The following C10orf143 variants were observed in gnomAD, a reference collection of about 807,000 sequenced individuals.
C10orf143 encodes chromosome 10 open reading frame 143, also known as uncharacterized protein C10orf143.
chr10:130,106,829 A>C (rs1299521351), intron 1 of C10orf143: 1 of 1,181,250 alleles, frequency 8.5e-7, no homozygotes, highest in Non-Finnish European at 1.3e-6. Context: ...TGATAAAGAA[A>C]ATCACATCAA....
At chr10:130,075,604 C>T (rs909458827) in intron 3 of C10orf143, among the ~76,000 whole-genome samples, 1 of 152,202 alleles carries the variant, frequency 6.6e-6, no homozygotes, top group Non-Finnish European at 1.5e-5. Context: ...AACGGGGGAG[C>T]TGATATGGTT....
At chr10:130,103,342 T>C (rs1019990548) in intron 1 of C10orf143, among the ~76,000 whole-genome samples, 1 of 152,104 alleles carries the variant, frequency 6.6e-6, no homozygotes, top group East Asian at 1.9e-4. Flanking sequence ...CTACTAAAAT[T>C]AGAAAAATTA....
chr10:130,067,989 G>C (rs1318225491), intron 3 of C10orf143: 1 of 152,462 alleles, frequency 6.6e-6, no homozygotes, highest in African/African-American at 2.4e-5. Flanking sequence ...AGGGATAAAG[G>C]GCAGCAGCGG....
At chr10:130,046,802 T>C (rs945161441) in intron 3 of C10orf143, among the ~76,000 whole-genome samples, 3 of 152,198 alleles carry the variant, frequency 2.0e-5, no homozygotes, top group African/African-American at 7.2e-5. Flanking sequence ...AATCCGTGCG[T>C]CTATGCAGCG....
In C10orf143 at chr10:130,056,983, G is replaced by A. The variant is rs1309687878; in HGVS notation, c.298-21013C>T. Among the ~76,000 whole-genome samples the A allele has an allele frequency of 6.6e-6, 1 of 152,052 alleles. No individual in the cohort carries two copies. On this transcript the variant is annotated intron_variant and NMD_transcript_variant, in intron 3 of 5. Transcript: ENST00000643056. This position sits in a 1 kb window ranked among gnomAD's most constrained non-coding sequence, Gnocchi z 4.6. Reference sequence around the variant, plus strand: ...GCTCACTGCAGCCTTGATCTCCTGGGCTCAAGTGACTCTCCCACTTCAGTC... The same window carrying A: ...GCTCACTGCAGCCTTGATCTCCTGGACTCAAGTGACTCTCCCACTTCAGTC...
chr10:130,041,508 C>T (rs535074086), intron 3 of C10orf143, among the ~76,000 whole-genome samples: 1 of 152,242 alleles, frequency 6.6e-6, no homozygotes, highest in South Asian at 2.1e-4. Context: ...CTCACCAGCA[C>T]GATTATGATT....
At chr10:130,107,343 C>G (rs1248492340) in intron 1 of C10orf143, 5 of 1,067,714 alleles carry the variant, frequency 4.7e-6, no homozygotes, top group Non-Finnish European at 7.3e-6. Flanking sequence ...AGACAGCGAG[C>G]CAAAGATCTT....
At chr10:130,054,007 T>G (rs565377874) in intron 3 of C10orf143, among the ~76,000 whole-genome samples, 3 of 152,160 alleles carry the variant, frequency 2.0e-5, no homozygotes, top group African/African-American at 7.2e-5. Context: ...CAGTATGCTG[T>G]TTTGAATTTT....
intron 1 of C10orf143, among the ~76,000 whole-genome samples, chr10:130,085,147 A>AATT (rs1213148995): frequency 6.6e-6 from 1 of 152,232 alleles, no homozygotes; most frequent in East Asian, 1.9e-4. Flanking sequence ...CCACAGTAAA[A>AATT]ATTATTGCAG....
At chr10:130,108,903 C>T (rs545749855) in intron 1 of C10orf143, among the ~76,000 whole-genome samples, 1 of 152,336 alleles carries the variant, frequency 6.6e-6, no homozygotes, top group African/African-American at 2.4e-5. Context: ...CACTAAACGT[C>T]TCAAAGTCGC....
chr10:130,089,174 C>A (rs1370865285), intron 1 of C10orf143, among the ~76,000 whole-genome samples: 1 of 152,158 alleles, frequency 6.6e-6, no homozygotes, highest in Non-Finnish European at 1.5e-5. Context: ...CACTCTTCTA[C>A]TTTGATTCTG....
At chr10:130,041,312 G>A (rs990517166) in intron 3 of C10orf143, among the ~76,000 whole-genome samples, 2 of 152,316 alleles carry the variant, frequency 1.3e-5, no homozygotes, top group Non-Finnish European at 2.9e-5. Flanking sequence ...CGAAGGTCAG[G>A]GGACAAGGCT....
chr10:130,093,945 G>T (rs1346173055), intron 1 of C10orf143, among the ~76,000 whole-genome samples: 1 of 150,782 alleles, frequency 6.6e-6, no homozygotes, highest in Admixed American at 6.6e-5. Flanking sequence ...GGGAGGCGGA[G>T]CTTGCAGTAA....
chr10:130,060,619 C>G (rs573440129), downstream of C10orf143, among the ~76,000 whole-genome samples: 37 of 148,334 alleles, frequency 2.5e-4, no homozygotes, highest in South Asian at 8.7e-4. Context: ...GTCAGGAGAT[C>G]GAGACCATCC....
chr10:130,073,184 C>A (rs749709502), intron 3 of C10orf143, among the ~76,000 whole-genome samples: 4 of 152,188 alleles, frequency 2.6e-5, no homozygotes, highest in Non-Finnish European at 5.9e-5. Context: ...AAATCTCCTA[C>A]ACACTGGGTG....
chr10:130,093,314 A>G (rs918894634), intron 1 of C10orf143, among the ~76,000 whole-genome samples: 1 of 152,228 alleles, frequency 6.6e-6, no homozygotes, highest in Non-Finnish European at 1.5e-5. Context: ...CTGAATGACT[A>G]ATAGGTAAAT....
At chr10:130,069,619 T>G (rs566094378) in intron 3 of C10orf143, among the ~76,000 whole-genome samples, 1 of 152,050 alleles carries the variant, frequency 6.6e-6, no homozygotes, top group African/African-American at 2.4e-5. Context: ...CTGGAAAATT[T>G]TTTTTTTAAG....
At chr10:130,048,810 C>T (rs1446812178) in intron 3 of C10orf143, among the ~76,000 whole-genome samples, 3 of 152,050 alleles carry the variant, frequency 2.0e-5, no homozygotes, top group Non-Finnish European at 4.4e-5. Flanking sequence ...TCAAACAATC[C>T]TCCCGCCTCA....
intron 3 of C10orf143, among the ~76,000 whole-genome samples, chr10:130,074,971 C>T (rs139371003): frequency 6.6e-6 from 1 of 152,026 alleles, no homozygotes; most frequent in African/African-American, 2.4e-5. Flanking sequence ...CAGACACACA[C>T]ATGCACACAC....
Sources: gnomAD v4.1 joint callset for allele counts (sites outside exome capture counted in the v4.1 genomes callset) on GRCh38, gnomAD v4.1.1 for gene constraint, Gnocchi (gnomAD v3.1) non-coding constraint, MANE v1.5 for transcripts, NCBI Gene and HGNC (gene_info 2026-07-23, HGNC 2026-07-21) for gene names.